FBN2: variants seen among roughly 807,000 people sequenced by gnomAD.
FBN2 encodes the protein fibrillin 2, also known as fibrillin-2.
A neutral mutation model predicts 355.6 loss-of-function variants in FBN2; 105 were observed. That is an observed-to-expected ratio of 0.30 (90% CI 0.25 to 0.35). The LOEUF (loss-of-function observed/expected upper bound fraction) is 0.35, where lower values mean the gene tolerates loss of function less well. Among genes scored for constraint, FBN2 ranks in the 10% least tolerant of loss-of-function variants. The pLI, the probability that FBN2 is intolerant of heterozygous loss-of-function variation, is 1.00. For synonymous variants in FBN2, 1,350 were observed against 1,301.2 expected, an observed-to-expected ratio of 1.04 and a Z score of -0.81; for missense variants, 3,280 against 3,758.7, an observed-to-expected ratio of 0.87 and a Z score of 3.33.
Position 128,497,402 on chromosome 5 carries a change from C to CCGTCTGGTTTGATAATCCGTCA in FBN2, c.628+21870_628+21871insTGACGGATTATCAAACCAGACG, listed in dbSNP as rs1755684167. ...TTTGATAATCATCACAAATCTAATC[C>CCGTCTGGTTTGATAATCCGTCA]CAAATGGATGAGGAACAAAATAGTG... On this transcript the variant is annotated intron_variant, in intron 5 of 64. Coordinates refer to ENST00000262464, the MANE Select transcript of FBN2 (RefSeq NM_001999.4). Among the ~76,000 whole-genome samples, 3 of 152,102 alleles carry CCGTCTGGTTTGATAATCCGTCA rather than the reference C, an allele frequency of 2.0e-5. No individual in the cohort carries two copies. The South Asian group carries it at 6.2e-4, about 32-fold the overall frequency.
At chr5:128,291,768 A>G (rs1749329970) in intron 48 of FBN2, 114 bp from the exon 49 acceptor site, 2 of 1,023,618 alleles carry the variant, frequency 2.0e-6, no homozygotes, top group South Asian at 1.3e-5. Flanking sequence ...ATTACGTTGT[A>G]TGTTTAACTT....
intron 3 of FBN2, 54 bp from the exon 4 acceptor site, chr5:128,528,021 A>G: frequency 8.7e-7 from 1 of 1,145,054 alleles, no homozygotes. Context: ...AAATTATAGT[A>G]TATGTGAGAG....
In FBN2 at chr5:128,263,582, C is replaced by G; in HGVS notation, c.8035G>C (p.Ala2679Pro). Residue 2679 changes from alanine (A) to proline (P), a missense_variant, in exon 63 of 65, where the codon GCC (alanine) becomes CCC (proline). This residue lies in a region of FBN2 where 311 missense variants were observed against 319.1 expected (regional missense o/e 0.97). Transcript: ENST00000262464. ...TCGAAGGAGAACCCCGAGGGGCAGG[C>G]GCACTTGTAACTCCCCAGGGTGTTG... ...CYNTLGSYKC[A>P]CPSGFSFDQF... 1.2e-6 allele frequency: 2 copies of G among 1,614,072 alleles called. No individual in the cohort carries two copies. The highest frequency in any genetic ancestry group is 1.7e-6 in the Non-Finnish European group (2 of 1,179,986).
chr5:128,337,084 T>C (rs1750860434), intron 27 of FBN2, among the ~76,000 whole-genome samples: 1 of 152,206 alleles, frequency 6.6e-6, no homozygotes, highest in Non-Finnish European at 1.5e-5. Flanking sequence ...TCATTATACC[T>C]CAATATGTTC....
chr5:128,280,990 C>T (rs376033348), intron 55 of FBN2, among the ~76,000 whole-genome samples: 2 of 151,988 alleles, frequency 1.3e-5, no homozygotes, highest in African/African-American at 2.4e-5. Context: ...CATAAGAGAG[C>T]GCATGACAAT....
intron 7 of FBN2, among the ~76,000 whole-genome samples, chr5:128,409,957 T>A (rs1194394844): frequency 6.6e-6 from 1 of 152,176 alleles, no homozygotes; most frequent in African/African-American, 2.4e-5. Flanking sequence ...TTTTTTCCAT[T>A]TATTCTGGCA....
At position 128,386,506 on chromosome 5, in the gene FBN2, C is replaced by T. The variant is rs150764675; in HGVS notation, c.1603+5512G>A. Among the ~76,000 whole-genome samples, 21 of 152,086 alleles carry T rather than the reference C, an allele frequency of 1.4e-4. No homozygotes were observed. The East Asian group carries it at 4.1e-3, about 29-fold the overall frequency. ...CTTAGGATTGCTTTGGCTATTCAGG[C>T]CATTTTTTTGGTTCCACATGAATTT... On this transcript the variant is annotated intron_variant, in intron 11 of 64. Coordinates refer to ENST00000262464, the MANE Select transcript of FBN2 (RefSeq NM_001999.4).
chr5:128,278,775 C>T lies in FBN2; in HGVS notation c.7205G>A (p.Arg2402His), dbSNP rs148014419. 169 of 1,614,062 alleles carry T rather than the reference C, an allele frequency of 1.0e-4. No homozygotes were observed. The African/African-American group carries it at 1.5e-3, about 14-fold the overall frequency. The change falls in exon 57 of 65, where the codon CGC becomes CAC. Residue 2402 changes from arginine to histidine, a missense_variant. Around this residue, in one of 6 missense-constraint regions of FBN2, gnomAD observed 2,284 missense variants for 2,749.5 expected, o/e 0.83. Transcript: ENST00000262464. The stretch of plus-strand genomic sequence containing the variant: ...GCATTCTGACTTAGTGACGAGATTG[C>T]GACTACTGGATGCCATTTGACATAT... ...QTICQMASSS[R>H]NLVTKSECCC...
Position 128,335,258 on chromosome 5 carries a change from A to G in FBN2, c.3885T>C (p.Asp1295=), listed in dbSNP as rs1187283580. The part of the protein sequence containing the change: ...DECENNPDIC[D]GGQCTNIPGE... Reference sequence around the variant, plus strand: ...CAGGAATGTTGGTACACTGGCCGCCATCACAGATATCAGGATTGTTTTCAC... The same window carrying G: ...CAGGAATGTTGGTACACTGGCCGCCGTCACAGATATCAGGATTGTTTTCAC... The change falls in exon 30 of 65, where the codon GAT becomes GAC. Residue 1295 remains aspartate, a synonymous_variant. Coordinates refer to ENST00000262464, the MANE Select transcript of FBN2 (RefSeq NM_001999.4). 3.1e-6 allele frequency: 5 copies of G among 1,614,058 alleles called. No individual in the cohort carries two copies. The highest frequency in any genetic ancestry group is 4.2e-6 in the Non-Finnish European group (5 of 1,179,986).
chr5:128,526,528 T>C (rs577697719), intron 4 of FBN2, among the ~76,000 whole-genome samples: 45 of 152,272 alleles, frequency 3.0e-4, no homozygotes, highest in African/African-American at 1.1e-3. Context: ...GGTATATTCA[T>C]ATAATGAAAT....
At chr5:128,264,514 C>A (rs1324213467) in intron 62 of FBN2, among the ~76,000 whole-genome samples, 1 of 152,180 alleles carries the variant, frequency 6.6e-6, no homozygotes, top group Non-Finnish European at 1.5e-5. Flanking sequence ...TTACTATTAT[C>A]ATTTTTACAA....
At chr5:128,513,718 C>T (rs182503937) in intron 5 of FBN2, among the ~76,000 whole-genome samples, 3 of 152,304 alleles carry the variant, frequency 2.0e-5, no homozygotes, top group East Asian at 1.9e-4. Flanking sequence ...TGATTTAAGT[C>T]CTTCCTTTAT....
chr5:128,264,113 A>G (rs1031655237), intron 62 of FBN2, among the ~76,000 whole-genome samples: 2 of 152,156 alleles, frequency 1.3e-5, no homozygotes, highest in African/African-American at 4.8e-5. Flanking sequence ...GGTAGTATTG[A>G]TGACTGCATA....
At chr5:128,432,975 T>C (rs1453610250) in intron 7 of FBN2, among the ~76,000 whole-genome samples, 1 of 151,842 alleles carries the variant, frequency 6.6e-6, no homozygotes, top group Non-Finnish European at 1.5e-5. Flanking sequence ...CCTTATAAAA[T>C]CACCAGATCT....
intron 2 of FBN2, among the ~76,000 whole-genome samples, chr5:128,534,852 T>C (rs1208892142): frequency 2.0e-5 from 3 of 152,002 alleles, no homozygotes; most frequent in South Asian, 4.1e-4. Context: ...CCTCCTCGGC[T>C]GCTCTCCAAC....
At chr5:128,392,507 C>A (rs1309632772) in intron 10 of FBN2, among the ~76,000 whole-genome samples, 1 of 152,164 alleles carries the variant, frequency 6.6e-6, no homozygotes, top group African/African-American at 2.4e-5. Context: ...AAACATAACA[C>A]TGTAGGACAT....
intron 20 of FBN2, among the ~76,000 whole-genome samples, 185 bp downstream of exon 20, chr5:128,357,091 G>C (rs1030560459): frequency 1.3e-5 from 2 of 152,144 alleles, no homozygotes; most frequent in African/African-American, 4.8e-5. Context: ...AACAAAAATT[G>C]AATAGGCTGC....
At chr5:128,281,840 C>A (rs1765556859) in intron 55 of FBN2, among the ~76,000 whole-genome samples, 1 of 152,096 alleles carries the variant, frequency 6.6e-6, no homozygotes, top group African/African-American at 2.4e-5. Flanking sequence ...CGCCCGCCAC[C>A]ACGCCCAGCT....
At chr5:128,435,136 A>C (rs1753741420) in intron 7 of FBN2, among the ~76,000 whole-genome samples, 1 of 152,170 alleles carries the variant, frequency 6.6e-6, no homozygotes, top group South Asian at 2.1e-4. Context: ...CCACTGTCTT[A>C]TGTTAAATAA....
Sources: gnomAD v4.1 joint callset for allele counts (sites outside exome capture counted in the v4.1 genomes callset) on GRCh38, gnomAD v4.1.1 for gene constraint, gnomAD v4.1.1 regional missense constraint, MANE v1.5 for transcripts, NCBI Gene and HGNC (gene_info 2026-07-23, HGNC 2026-07-21) for gene names.